The following CTIF variants were observed in gnomAD, a reference collection of about 807,000 sequenced individuals.
CTIF encodes CBP80/20-dependent translation initiation factor.
A neutral mutation model predicts 66.0 loss-of-function variants in CTIF; 21 were observed. The ratio of observed to expected loss-of-function variants is 0.32; its 90% CI spans 0.23 to 0.46. The LOEUF is 0.46. Ranked by LOEUF, CTIF falls within the 20% of genes least tolerant of loss-of-function variation. The pLI is 1.00. For missense variants in CTIF, 739 were observed against 812.7 expected (o/e 0.91, Z 1.10); for synonymous variants, 345 against 326.4 (o/e 1.06, Z -0.62).
intron 6 of CTIF, among the ~76,000 whole-genome samples, chr18:48,684,249 T>C (rs973378259): frequency 6.6e-6 from 1 of 152,178 alleles, no homozygotes; most frequent in Non-Finnish European, 1.5e-5. Context: ...AACCATCTAC[T>C]CATTTTTTAT....
At chr18:48,653,815 A>G (rs1313109926) in intron 3 of CTIF, among the ~76,000 whole-genome samples, 6 of 152,222 alleles carry the variant, frequency 3.9e-5, no homozygotes, top group Non-Finnish European at 8.8e-5. Context: ...CCTCAGAAAT[A>G]ACACCACACA....
intron 7 of CTIF, among the ~76,000 whole-genome samples, chr18:48,747,295 G>A (rs1303674443): frequency 1.3e-5 from 2 of 152,212 alleles, no homozygotes; most frequent in South Asian, 2.1e-4. Flanking sequence ...CTGGTGCTGA[G>A]CCTCCAGCGC....
intron 1 of CTIF, among the ~76,000 whole-genome samples, chr18:48,617,475 G>A (rs2090420291): frequency 6.6e-6 from 1 of 152,234 alleles, no homozygotes; most frequent in African/African-American, 2.4e-5. Flanking sequence ...GACTGTCTTA[G>A]AATTCTGTCT....
In CTIF at chr18:48,757,910, C is replaced by G. The variant is rs199863750; in HGVS notation, c.585-9C>G. ...ATCGCCTTCTCTGTCTTTCCTCTTC[C>G]GTTTGCAGGCGGCAGCAGAGACCTC... On this transcript the variant is annotated splice_polypyrimidine_tract_variant and intron_variant, in intron 7 of 11. Transcript: ENST00000256413. 37 of 1,605,348 alleles carry G rather than the reference C, an allele frequency of 2.3e-5. No individual in the cohort carries two copies. The African/African-American group carries it at 3.1e-4, about 13-fold the overall frequency.
At chr18:48,664,361 G>T in intron 4 of CTIF, 86 bp from the exon 5 acceptor site, 1 of 1,218,848 alleles carries the variant, frequency 8.2e-7, no homozygotes, top group South Asian at 1.2e-5. Context: ...GATCTGCTCT[G>T]CCAGGTTCAG....
In CTIF at chr18:48,782,896, G is replaced by A. The variant is rs915571892; in HGVS notation, c.1371+21207G>A. 1.5e-4 allele frequency among the ~76,000 whole-genome samples: 23 copies of A among 152,280 alleles called. No homozygotes were observed. The East Asian group carries it at 3.3e-3, about 22-fold the overall frequency. On this transcript the variant is annotated intron_variant, in intron 9 of 11. Transcript: ENST00000256413. ...GCCACCACCCACCCCCACTCCACTGGCTACCAAGCCACCAGACTCAGAGAG... is the reference window on the plus strand; with the variant it reads ...GCCACCACCCACCCCCACTCCACTGACTACCAAGCCACCAGACTCAGAGAG...
intron 9 of CTIF, among the ~76,000 whole-genome samples, chr18:48,784,945 T>C (rs1283971311): frequency 6.6e-6 from 1 of 152,240 alleles, no homozygotes; most frequent in African/African-American, 2.4e-5. Context: ...ATTAGACATC[T>C]TCCCCCTAGT....
Position 48,683,910 on chromosome 18 carries a change from C to T in CTIF, c.507+13166C>T, listed in dbSNP as rs544581679. 2.6e-5 allele frequency among the ~76,000 whole-genome samples: 4 copies of T among 152,288 alleles called. No homozygotes were observed. The East Asian group carries it at 7.7e-4, about 29-fold the overall frequency. ...CCAGGCTCCCAAGCTCTCATGGGGGCCCAGTTGCACCATGAGGCCCAGGGC... is the reference window on the plus strand; with the variant it reads ...CCAGGCTCCCAAGCTCTCATGGGGGTCCAGTTGCACCATGAGGCCCAGGGC... On this transcript the variant is annotated intron_variant, in intron 6 of 11. Coordinates refer to ENST00000256413, the MANE Select transcript of CTIF (RefSeq NM_014772.3).
chr18:48,710,927 G>A (rs1052263131), intron 6 of CTIF, among the ~76,000 whole-genome samples: 2 of 152,120 alleles, frequency 1.3e-5, no homozygotes, highest in African/African-American at 4.8e-5. Context: ...AGCCGTGTTT[G>A]TACCACAGCT....
intron 6 of CTIF, among the ~76,000 whole-genome samples, chr18:48,709,813 G>A (rs559164955): frequency 6.6e-6 from 1 of 152,310 alleles, no homozygotes; most frequent in Admixed American, 6.5e-5. Flanking sequence ...ACATCCTAAG[G>A]CCCCAGAGGC....
chr18:48,632,073 T>C (rs8091766), intron 2 of CTIF, among the ~76,000 whole-genome samples: 99,080 of 151,960 alleles, frequency 0.65, 33,723 homozygotes, highest in East Asian at 0.94. Flanking sequence ...CACAAGAAGC[T>C]GGTGTTGAGA....
At chr18:48,775,445 C>T (rs1384789333) in intron 9 of CTIF, among the ~76,000 whole-genome samples, 2 of 152,250 alleles carry the variant, frequency 1.3e-5, no homozygotes, top group Non-Finnish European at 2.9e-5. Context: ...AGAGATTCTT[C>T]CACAAGTCCA....
At chr18:48,859,111 A>G (rs2069397846) in intron 11 of CTIF, among the ~76,000 whole-genome samples, 1 of 152,148 alleles carries the variant, frequency 6.6e-6, no homozygotes, top group Non-Finnish European at 1.5e-5. Flanking sequence ...GCAGTAGGCA[A>G]TATTCGGATC....
chr18:48,777,142 C>T (rs1056089927), intron 9 of CTIF, among the ~76,000 whole-genome samples: 11 of 152,234 alleles, frequency 7.2e-5, no homozygotes, highest in Admixed American at 2.0e-4. Flanking sequence ...CCCCACCCGG[C>T]GGGTCTGGCC....
intron 9 of CTIF, among the ~76,000 whole-genome samples, chr18:48,790,917 A>G (rs1599048731): frequency 6.6e-6 from 1 of 151,782 alleles, no homozygotes; most frequent in East Asian, 1.9e-4. Flanking sequence ...TGGGCCATGG[A>G]CCCTCCTCTA....
intron 1 of CTIF, among the ~76,000 whole-genome samples, chr18:48,582,574 C>G (rs565090601): frequency 6.6e-6 from 1 of 152,034 alleles, no homozygotes; most frequent in Non-Finnish European, 1.5e-5. Flanking sequence ...CACTGACCTT[C>G]CCCCTATGTG....
chr18:48,693,639 C>G (rs746834095), intron 6 of CTIF, among the ~76,000 whole-genome samples: 1 of 151,934 alleles, frequency 6.6e-6, no homozygotes, highest in African/African-American at 2.4e-5. Context: ...AAAACCAGCA[C>G]CCAGTAGAGA....
At chr18:48,673,926 G>A (rs961843679) in intron 6 of CTIF, among the ~76,000 whole-genome samples, 3 of 152,204 alleles carry the variant, frequency 2.0e-5, no homozygotes, top group Non-Finnish European at 4.4e-5. Context: ...TGTCTTAAAT[G>A]CTTTGGCCCA....
Position 48,761,733 on chromosome 18 carries a change from C to G in CTIF, c.1371+44C>G, listed in dbSNP as rs769969012. On this transcript the variant is annotated intron_variant, in intron 9 of 11. Coordinates refer to ENST00000256413, the MANE Select transcript of CTIF (RefSeq NM_014772.3). This position sits in a 1 kb window ranked among gnomAD's most constrained non-coding sequence, Gnocchi z 4.2. The stretch of plus-strand genomic sequence containing the variant: ...CCACCGCCCCGCGCCCCCTGCCCCT[C>G]TGCGTTCGGTGAGTTATTCCTAGCG... 4 of 1,563,900 alleles carry G rather than the reference C, an allele frequency of 2.6e-6. No individual in the cohort carries two copies. The highest frequency in any genetic ancestry group is 1.4e-5 in the African/African-American group (1 of 73,922).
Sources: gnomAD v4.1 joint callset for allele counts (sites outside exome capture counted in the v4.1 genomes callset) on GRCh38, gnomAD v4.1.1 for gene constraint, Gnocchi (gnomAD v3.1) non-coding constraint, MANE v1.5 for transcripts, NCBI Gene and HGNC (gene_info 2026-07-23, HGNC 2026-07-21) for gene names.